RUFY4: variants seen among roughly 807,000 people sequenced by gnomAD.
The protein encoded by RUFY4 is RUN and FYVE domain containing 4.
Under a neutral mutation model 69.0 loss-of-function variants are expected in RUFY4, and 73 were observed. The ratio of observed to expected loss-of-function variants is 1.06; its 90% CI spans 0.88 to 1.29. The LOEUF is 1.29. Among genes scored for constraint, RUFY4 ranks in the 50% most tolerant of loss-of-function variants. The pLI, the probability that RUFY4 is intolerant of heterozygous loss-of-function variation, is 0.00. For synonymous variants in RUFY4, 287 were observed against 271.8 expected (o/e 1.06, Z -0.55); for missense variants, 770 against 705.6 (o/e 1.09, Z -1.03).
intron 2 of RUFY4, among the ~76,000 whole-genome samples, chr2:218,071,617 G>C (rs142168979): frequency 6.6e-6 from 1 of 152,076 alleles, no homozygotes; most frequent in African/African-American, 2.4e-5. Context: ...CCCCAGGTCG[G>C]CCCGAGGGGA....
At chr2:218,074,740 C>A (rs923454034) in intron 6 of RUFY4, among the ~76,000 whole-genome samples, 4 of 152,088 alleles carry the variant, frequency 2.6e-5, no homozygotes, top group African/African-American at 4.8e-5. Flanking sequence ...GATGAAAAAA[C>A]TGAAACATGA....
chr2:218,042,711 C>G (rs992779567), intron 2 of RUFY4, among the ~76,000 whole-genome samples: 42 of 151,826 alleles, frequency 2.8e-4, no homozygotes, highest in African/African-American at 7.8e-4. Flanking sequence ...GTTAAATCAT[C>G]CAGCTTCAGC....
chr2:218,075,362 C>T, exon 7 of RUFY4: 1 of 1,612,868 alleles, frequency 6.2e-7, no homozygotes, highest in Non-Finnish European at 8.5e-7. Context: ...TCCTGGGGAA[C>T]TCAACACCCA....
intron 9 of RUFY4, among the ~76,000 whole-genome samples, chr2:218,084,786 G>A (rs1051447835): frequency 6.6e-6 from 1 of 152,098 alleles, no homozygotes; most frequent in Non-Finnish European, 1.5e-5. Flanking sequence ...TGGCTCACAG[G>A]CCTGTAATCC....
intron 2 of RUFY4, among the ~76,000 whole-genome samples, chr2:218,046,085 G>C (rs752078902): frequency 1.2e-4 from 18 of 152,136 alleles, no homozygotes; most frequent in East Asian, 1.9e-4. Context: ...GATTACAGGC[G>C]TGAGCCACCG....
intron 3 of RUFY4, among the ~76,000 whole-genome samples, chr2:218,061,923 G>C (rs1689204396): frequency 6.6e-6 from 1 of 152,204 alleles, no homozygotes; most frequent in South Asian, 2.1e-4. Flanking sequence ...GAATCTCTTT[G>C]TGCACCCTTC....
At chr2:218,082,910 C>T (rs372437996) in intron 8 of RUFY4, among the ~76,000 whole-genome samples, 200 bp from the exon 11 acceptor site, 2 of 806 alleles carry the variant, frequency 2.5e-3, no homozygotes, top group Non-Finnish European at 5.0e-3. Context: ...TTCTGTTATA[C>T]TATGTGTGTA....
intron 10 of RUFY4, 44 bp from the exon 13 acceptor site, chr2:218,089,908 C>A: frequency 1.4e-6 from 2 of 1,404,218 alleles, no homozygotes; most frequent in Non-Finnish European, 2.0e-6. Context: ...GGGGAAGTGC[C>A]AGCTGCAGAG....
At chr2:218,073,942 C>T in intron 6 of RUFY4, 57 bp downstream of exon 8, 1 of 1,548,508 alleles carries the variant, frequency 6.5e-7, no homozygotes, top group Non-Finnish European at 8.9e-7. Context: ...TTGGCATCCT[C>T]AAGTTGAGTA....
intron 2 of RUFY4, 60 bp from the exon 5 acceptor site, chr2:218,072,314 T>C: frequency 6.6e-7 from 1 of 1,522,588 alleles, no homozygotes; most frequent in Non-Finnish European, 8.8e-7. Context: ...CAAGCTAGAA[T>C]GCAGGGCGTG....
At chr2:218,090,065 G>C (rs763432515) in exon 11 of RUFY4, 26 of 1,519,168 alleles carry the variant, frequency 1.7e-5, no homozygotes, top group East Asian at 2.6e-5. Context: ...CCAAGACCAA[G>C]ACCAGCCCAT....
chr2:218,083,848 T>TAC lies in RUFY4; in HGVS notation c.1502+599_1502+600dup, dbSNP rs562091037. 2.8e-3 allele frequency among the ~76,000 whole-genome samples: 343 copies of TAC among 121,546 alleles called. 3 individuals carry two copies. Among genetic ancestry groups the TAC allele is most frequent in the Non-Finnish European group, 3.9e-3 (239 of 60,930 alleles). The allele number at this position is 121,546 out of a possible 152,430, so 79.7% of individuals were successfully genotyped here. A position where few individuals can be genotyped will look rare whatever the true frequency, so the allele number is the denominator to read the frequency against. On this transcript the variant is annotated intron_variant, in intron 9 of 10. Coordinates refer to ENST00000344321, the Ensembl canonical transcript of RUFY4. ...ACCCCCACCCAGACCCACCCCCACA[T>TAC]ACACACACCTACTAAGGTTAGGGAG...
chr2:218,072,330 G>C (rs1471424409), intron 2 of RUFY4, 44 bp from the exon 5 acceptor site: 2 of 1,532,734 alleles, frequency 1.3e-6, no homozygotes, highest in African/African-American at 2.7e-5. Context: ...GCGTGTTCTG[G>C]GAGGAAGCAT....
upstream of RUFY4, among the ~76,000 whole-genome samples, chr2:218,068,093 A>G (rs980336880): frequency 2.1e-5 from 3 of 142,598 alleles, no homozygotes; most frequent in Admixed American, 7.1e-5. Context: ...GGAGGAGGGC[A>G]GGGGGCTGGA....
intron 2 of RUFY4, among the ~76,000 whole-genome samples, chr2:218,056,229 G>GTTTTTTTTT (rs796703457): frequency 3.9e-5 from 5 of 128,796 alleles, no homozygotes; most frequent in African/African-American, 1.1e-4. Flanking sequence ...GCTGGTTGTT[G>GTTTTTTTTT]TTTTTTTTTT....
intron 8 of RUFY4, among the ~76,000 whole-genome samples, chr2:218,079,237 G>A (rs555921388): frequency 6.6e-5 from 10 of 152,326 alleles, no homozygotes; most frequent in South Asian, 2.1e-4. Flanking sequence ...GGAGTCCAGC[G>A]AGGACCCTGC....
At chr2:218,066,827 C>T (rs930054564), upstream of RUFY4, among the ~76,000 whole-genome samples, 4 of 152,210 alleles carry the variant, frequency 2.6e-5, no homozygotes, top group South Asian at 2.1e-4. Context: ...TGGATTGTCG[C>T]GTCTTCATAA....
At chr2:218,070,210 G>A, upstream of RUFY4, 1 of 274,648 alleles carries the variant, frequency 3.6e-6, no homozygotes, top group South Asian at 4.2e-5. Context: ...TGTGGGCACA[G>A]ACACCTGAGT....
exon 1 of RUFY4, chr2:218,070,650 A>G: frequency 6.5e-7 from 1 of 1,537,484 alleles, no homozygotes; most frequent in Non-Finnish European, 8.7e-7. Context: ...AAGACCTAAG[A>G]GGTGAGTGTG....
Sources: allele counts gnomAD v4.1 joint callset (sites outside exome capture counted in the v4.1 genomes callset), GRCh38; gene constraint gnomAD v4.1.1; transcripts MANE v1.5; gene names NCBI Gene and HGNC (gene_info 2026-07-23, HGNC 2026-07-21).